The following ALG12 variants were observed in gnomAD, a reference collection of about 807,000 sequenced individuals.
ALG12 encodes the protein dol-P-Man:Man(7)GlcNAc(2)-PP-Dol alpha-1,6-mannosyltransferase.
A neutral mutation model predicts 46.0 loss-of-function variants in ALG12; 36 were observed. That is an observed-to-expected ratio of 0.78 (90% CI 0.60 to 1.03). The LOEUF is 1.03. Among genes scored for constraint, ALG12 ranks in the 50% least tolerant of loss-of-function variants. The probability of loss-of-function intolerance (pLI) is 0.00; values close to 1 mark genes in which losing one functional copy is unlikely to be tolerated. For synonymous variants in ALG12, 326 were observed against 291.6 expected (o/e 1.12, Z -1.20); for missense variants, 599 against 633.5 (o/e 0.95, Z 0.58).
chr22:49,866,388 C>A, the ALG12 span, among the ~76,000 whole-genome samples: 1 of 151,880 alleles, frequency 6.6e-6, no homozygotes, highest in African/African-American at 2.4e-5. Context: ...CCCCTCATTT[C>A]TTTTTCATTA....
the ALG12 span, chr22:49,889,197 T>A: frequency 4.8e-5 from 8 of 167,050 alleles, no homozygotes; most frequent in African/African-American, 1.9e-4. Flanking sequence ...GAGCATATAG[T>A]CTAGTCCACG....
chr22:49,915,234 G>C (rs540430144), intron 1 of ALG12, among the ~76,000 whole-genome samples: 1 of 152,216 alleles, frequency 6.6e-6, no homozygotes, highest in African/African-American at 2.4e-5. Context: ...GGGGCCGGGC[G>C]CGGTCGCTCA....
At chr22:49,883,866 C>T in the ALG12 span, 2 of 1,606,900 alleles carry the variant, frequency 1.2e-6, no homozygotes, top group Non-Finnish European at 1.7e-6. Flanking sequence ...GTTGCAGCTG[C>T]AAGCCCCCGG....
chr22:49,872,832 A>G, the ALG12 span, among the ~76,000 whole-genome samples: 1 of 151,610 alleles, frequency 6.6e-6, no homozygotes, highest in African/African-American at 2.4e-5. Flanking sequence ...CAGCCTCCCG[A>G]GTAGCTGGGA....
rs200708114 is a variant in ALG12 at position 49,913,447 on chromosome 22, G to A, written c.233C>T (p.Ser78Phe). 5.6e-6 allele frequency: 9 copies of A among 1,613,908 alleles called. No individual in the cohort carries two copies. The highest frequency in any genetic ancestry group is 1.3e-5 in the African/African-American group (1 of 74,964). The change falls in exon 3 of 10, where the codon TCC becomes TTC. Residue 78 changes from serine (S) to phenylalanine (F), a missense_variant. Ser to Phe is a radical substitution (Grantham distance 155). Coordinates refer to ENST00000330817, the MANE Select transcript of ALG12 (RefSeq NM_024105.4). ...FLGPVVIAVF[S>F]SPAVYVLSLL... Reference sequence around the variant, plus strand: ...CGAAAGCACGTAAACCGCGGGGCTGGAGAACACTGCGATCACCACTGGCCC... The same window carrying A: ...CGAAAGCACGTAAACCGCGGGGCTGAAGAACACTGCGATCACCACTGGCCC...
chr22:49,909,931 G>A lies in ALG12; in HGVS notation c.627C>T (p.Ala209=), dbSNP rs1019313290. The A allele has an allele frequency of 6.2e-7, 1 of 1,614,142 alleles. No individual in the cohort carries two copies. The highest frequency in any genetic ancestry group is 8.5e-7 in the Non-Finnish European group (1 of 1,180,026). Residue 209 remains alanine (A), a synonymous_variant, in exon 5 of 10, where the codon GCC becomes GCT. Coordinates refer to ENST00000330817, the MANE Select transcript of ALG12 (RefSeq NM_024105.4). ...LGNRKVSVVR[A]LRHAVPAGIL... is the part of the protein sequence containing the mutation. ...TCCCTGCCGGGACGGCGTGGCGAAGGGCTCTGACTACAGAAACCTTTCGGT... is the reference window on the plus strand; with the variant it reads ...TCCCTGCCGGGACGGCGTGGCGAAGAGCTCTGACTACAGAAACCTTTCGGT...
the ALG12 span, chr22:49,887,650 G>A: frequency 5.9e-6 from 1 of 170,892 alleles, no homozygotes; most frequent in African/African-American, 2.4e-5. Flanking sequence ...TGGAGGGCAA[G>A]CCATCCTGAC....
the ALG12 span, among the ~76,000 whole-genome samples, chr22:49,877,848 G>A: frequency 6.6e-6 from 1 of 152,028 alleles, no homozygotes; most frequent in African/African-American, 2.4e-5. Context: ...CTGCCCTTTG[G>A]CCTCCCGCAC....
chr22:49,909,099 G>A (rs1464402629), intron 6 of ALG12, 145 bp downstream of exon 6: 1 of 858,684 alleles, frequency 1.2e-6, no homozygotes, highest in Non-Finnish European at 1.9e-6. Context: ...TTTCCCAGGA[G>A]CAAGTGGGAG....
the ALG12 span, among the ~76,000 whole-genome samples, chr22:49,871,512 A>G: frequency 6.6e-6 from 1 of 152,208 alleles, no homozygotes; most frequent in Non-Finnish European, 1.5e-5. Flanking sequence ...CATTTTCAGT[A>G]TAATGTAGTC....
chr22:49,889,989 C>A, the ALG12 span: 1 of 167,020 alleles, frequency 6.0e-6, no homozygotes, highest in Non-Finnish European at 1.5e-5. Flanking sequence ...AATGAAATTA[C>A]CAGTCATTAT....
chr22:49,878,407 G>A, the ALG12 span, among the ~76,000 whole-genome samples: 13 of 151,552 alleles, frequency 8.6e-5, no homozygotes, highest in Admixed American at 2.0e-4. Context: ...TATAAACACC[G>A]AAGAAGAGAT....
the ALG12 span, chr22:49,889,338 C>T: frequency 0.92 from 153,720 of 167,144 alleles, 70,798 homozygotes; most frequent in African/African-American, 0.98. Context: ...GACGGGAGAA[C>T]TGAATAGTTG....
chr22:49,900,549 C>G lies in ALG12; in HGVS notation c.*3289G>C, dbSNP rs1307650219. ...CATGAGCACAGTGCTTGACGGCACC[C>G]GCAGTTGTGGGCAGGGAGTGAACTG... On this transcript the variant is annotated 3_prime_UTR_variant, in exon 10 of 10. Coordinates refer to ENST00000330817, the MANE Select transcript of ALG12 (RefSeq NM_024105.4). 6.6e-6 allele frequency: 1 copy of G among 152,230 alleles called. No homozygotes were observed. Among genetic ancestry groups the G allele is most frequent in the East Asian group, 1.9e-4 (1 of 5,192 alleles). The allele number at this position is 152,230 out of a possible 1,614,324, so 9.4% of individuals were successfully genotyped here. A position where few individuals can be genotyped will look rare whatever the true frequency, so the allele number is the denominator to read the frequency against.
At chr22:49,867,256 G>A in the ALG12 span, among the ~76,000 whole-genome samples, 17,027 of 152,174 alleles carry the variant, frequency 0.11, 1,306 homozygotes, top group African/African-American at 0.21. Flanking sequence ...GTGTTTAGAG[G>A]ACTTGTATAG....
the ALG12 span, among the ~76,000 whole-genome samples, chr22:49,872,980 A>T: frequency 8.5e-5 from 13 of 152,194 alleles, no homozygotes; most frequent in East Asian, 2.5e-3. Context: ...ACAGGCGTGA[A>T]CTACCGCGCC....
chr22:49,908,728 G>C (rs946423936), intron 6 of ALG12, among the ~76,000 whole-genome samples: 3 of 144,308 alleles, frequency 2.1e-5, no homozygotes, highest in Non-Finnish European at 4.5e-5. Context: ...AAGGCAGGTG[G>C]ATCACCTGAG....
chr22:49,879,386 C>T, the ALG12 span, among the ~76,000 whole-genome samples: 3 of 151,888 alleles, frequency 2.0e-5, no homozygotes, highest in African/African-American at 7.2e-5. Flanking sequence ...CTCATCCTCC[C>T]GAAGTGCTGC....
the ALG12 span, among the ~76,000 whole-genome samples, chr22:49,891,695 T>C: frequency 6.6e-6 from 1 of 152,358 alleles, no homozygotes; most frequent in East Asian, 1.9e-4. Flanking sequence ...GGAGCCCTTT[T>C]CAAACTGATT....
Sources: allele counts gnomAD v4.1 joint callset (sites outside exome capture counted in the v4.1 genomes callset), GRCh38; gene constraint gnomAD v4.1.1; transcripts MANE v1.5; gene names NCBI Gene and HGNC (gene_info 2026-07-23, HGNC 2026-07-21).